BID: variants seen among roughly 807,000 people sequenced by gnomAD.
BID encodes the protein BH3 interacting domain death agonist, also known as BH3-interacting domain death agonist.
A neutral mutation model predicts 17.4 loss-of-function variants in BID; 19 were observed. That is an observed-to-expected ratio of 1.09 (90% CI 0.76 to 1.60). The LOEUF is 1.60. BID is among the 40% of genes most tolerant of loss of function. The pLI is 0.00. For synonymous variants in BID, 108 were observed against 102.8 expected (o/e 1.05, Z -0.31); for missense variants, 226 against 256.0 (o/e 0.88, Z 0.80).
chr22:17,768,637 G>A (rs2145922394), intron 1 of BID, among the ~76,000 whole-genome samples: 1 of 152,356 alleles, frequency 6.6e-6, no homozygotes, highest in South Asian at 2.1e-4. Flanking sequence ...ACTTTGGGAG[G>A]CCGAGGCGGG....
chr22:17,763,904 TAAAAAAA>T (rs3838142), intron 1 of BID, among the ~76,000 whole-genome samples: 79 of 146,042 alleles, frequency 5.4e-4, no homozygotes, highest in African/African-American at 1.1e-3. Flanking sequence ...ACTTATAATT[TAAAAAAA>T]AAAAAAATCA....
intron 1 of BID, chr22:17,764,111 C>T (rs2061661700): frequency 6.5e-6 from 1 of 154,456 alleles, no homozygotes; most frequent in African/African-American, 2.4e-5. Flanking sequence ...AGATCCCATC[C>T]TGTAGGAAGT....
chr22:17,762,335 A>G lies in BID; in HGVS notation c.-59+12046T>C, dbSNP rs180876029. On this transcript the variant is annotated intron_variant, in intron 1 of 5. Transcript: ENST00000622694. ...AATATGGTGAAATCCCGTCTCTACT[A>G]AAAATACAAAAATTAGCCGGGCATG... Among the ~76,000 whole-genome samples the G allele has an allele frequency of 1.4e-3, 213 of 152,172 alleles. 1 individual carries two copies. The highest frequency in any genetic ancestry group is 4.7e-3 in the African/African-American group (196 of 41,520).
intron 1 of BID, among the ~76,000 whole-genome samples, chr22:17,765,028 C>A (rs1461645594): frequency 6.6e-6 from 1 of 152,110 alleles, no homozygotes; most frequent in Non-Finnish European, 1.5e-5. Context: ...ACACTGTCAA[C>A]ATCTGAACTA....
chr22:17,740,187 G>A, intron 3 of BID: 1 of 1,610,234 alleles, frequency 6.2e-7, no homozygotes, highest in Non-Finnish European at 8.5e-7. Context: ...CTGCCAGAAG[G>A]TAAGCTCCCT....
chr22:17,768,827 C>T (rs1185565479), intron 1 of BID, among the ~76,000 whole-genome samples: 36 of 146,174 alleles, frequency 2.5e-4, no homozygotes, highest in African/African-American at 8.5e-4. Flanking sequence ...GAGCCGAGAT[C>T]GCGCCACTGC....
At chr22:17,752,315 G>A (rs772602319) in intron 1 of BID, among the ~76,000 whole-genome samples, 2 of 152,166 alleles carry the variant, frequency 1.3e-5, no homozygotes, top group South Asian at 2.1e-4. Flanking sequence ...GGCACGTAGC[G>A]GGTAGCAGTG....
At chr22:17,774,161 C>G (rs1427276986) in intron 1 of BID, 1 of 156,182 alleles carries the variant, frequency 6.4e-6, no homozygotes, top group Non-Finnish European at 1.4e-5. Context: ...CCGGCCGCGC[C>G]GAGGAGGGCG....
At chr22:17,759,832 G>C (rs1041511836) in intron 1 of BID, among the ~76,000 whole-genome samples, 2 of 152,108 alleles carry the variant, frequency 1.3e-5, no homozygotes, top group African/African-American at 4.8e-5. Flanking sequence ...GGGGTTCACT[G>C]AGAAAGCAAT....
intron 1 of BID, chr22:17,774,030 G>C (rs1708315991): frequency 5.0e-6 from 2 of 400,394 alleles, no homozygotes; most frequent in South Asian, 5.1e-5. Context: ...TCCGGGGCTG[G>C]CCTCGGCCCC....
intron 1 of BID, among the ~76,000 whole-genome samples, chr22:17,761,621 C>T (rs1247281050): frequency 3.3e-5 from 5 of 151,814 alleles, no homozygotes; most frequent in South Asian, 2.1e-4. Flanking sequence ...TTAGTGGAGA[C>T]GGGGTTTCAC....
At chr22:17,748,786 G>A (rs1400929473) in intron 2 of BID, among the ~76,000 whole-genome samples, 2 of 152,230 alleles carry the variant, frequency 1.3e-5, no homozygotes, top group African/African-American at 4.8e-5. Context: ...CTGCGCGGGT[G>A]ACGGTGGTGT....
At chr22:17,755,983 T>C (rs1035985694) in intron 1 of BID, among the ~76,000 whole-genome samples, 2 of 152,042 alleles carry the variant, frequency 1.3e-5, no homozygotes, top group Non-Finnish European at 1.5e-5. Context: ...GTCTCCTGCC[T>C]CAGCCTCCTG....
chr22:17,744,095 C>T, intron 2 of BID, 82 bp from the exon 3 acceptor site: 3 of 1,280,090 alleles, frequency 2.3e-6, no homozygotes, highest in African/African-American at 1.5e-5. Flanking sequence ...TTGCAGCTGG[C>T]CCAAAGAGCC....
At chr22:17,772,919 C>A (rs2061731586) in intron 1 of BID, among the ~76,000 whole-genome samples, 1 of 152,248 alleles carries the variant, frequency 6.6e-6, no homozygotes, top group Non-Finnish European at 1.5e-5. Context: ...GACCACCTGA[C>A]AGCCACCGTC....
At chr22:17,739,237 G>A in intron 4 of BID, 112 bp downstream of exon 4, 1 of 1,349,454 alleles carries the variant, frequency 7.4e-7, no homozygotes, top group Non-Finnish European at 9.8e-7. Flanking sequence ...TTCTGGACCT[G>A]ACAGTCACGA....
rs2061703467 is a variant in BID at position 17,769,411 on chromosome 22, G to A, written c.-59+4970C>T. Among the ~76,000 whole-genome samples the A allele has an allele frequency of 6.6e-6, 1 of 152,246 alleles. No individual in the cohort carries two copies. Among genetic ancestry groups the A allele is most frequent in the South Asian group, 2.1e-4 (1 of 4,838 alleles). ...GAAACAAGGCTTTTGGGGAAATGGT[G>A]ACACCTGGGGCCAGGTTTCTCACAG... On this transcript the variant is annotated intron_variant, in intron 1 of 5. Transcript: ENST00000622694. This position sits in a 1 kb window ranked among gnomAD's most constrained non-coding sequence, Gnocchi z 4.8.
At chr22:17,749,989 G>GT in intron 2 of BID, 116 bp downstream of exon 2, 1 of 1,038,064 alleles carries the variant, frequency 9.6e-7, no homozygotes, top group East Asian at 2.6e-5. Context: ...CCGAGCTGTG[G>GT]TAAGGGCCAG....
intron 1 of BID, among the ~76,000 whole-genome samples, chr22:17,772,107 A>G (rs2061725584): frequency 1.3e-5 from 2 of 152,130 alleles, no homozygotes; most frequent in Non-Finnish European, 2.9e-5. Flanking sequence ...TGGGGATGCT[A>G]CCCTCGTCTG....
Sources: gnomAD v4.1 joint callset for allele counts (sites outside exome capture counted in the v4.1 genomes callset) on GRCh38, gnomAD v4.1.1 for gene constraint, Gnocchi (gnomAD v3.1) non-coding constraint, MANE v1.5 for transcripts, NCBI Gene and HGNC (gene_info 2026-07-23, HGNC 2026-07-21) for gene names.